KCNT1: variants seen among roughly 807,000 people sequenced by gnomAD.
The protein encoded by KCNT1 is potassium sodium-activated channel subfamily T member 1, also known as potassium channel subfamily T member 1.
A neutral mutation model predicts 147.8 loss-of-function variants in KCNT1; 78 were observed. The ratio of observed to expected loss-of-function variants is 0.53; its 90% confidence interval spans 0.44 to 0.64. The LOEUF (loss-of-function observed/expected upper bound fraction) is 0.64, where lower values mean the gene tolerates loss of function less well. Ranked by LOEUF, KCNT1 falls within the 30% of genes least tolerant of loss-of-function variation. The probability of loss-of-function intolerance (pLI) is 0.00; values close to 1 mark genes in which losing one functional copy is unlikely to be tolerated. For missense variants in KCNT1, 1,419 were observed against 1,750.3 expected (o/e 0.81, Z 3.38); for synonymous variants, 867 against 748.8 (o/e 1.16, Z -2.58).
rs760974671 is a variant in KCNT1, at chr9:135,784,796, G to A, written c.3063G>A (p.Thr1021=). 6.0e-5 allele frequency: 97 copies of A among 1,612,658 alleles called. No individual in the cohort carries two copies. Among genetic ancestry groups the A allele is most frequent in the South Asian group, 1.4e-4 (13 of 91,086 alleles). The change falls in exon 27 of 31, where the codon ACG becomes ACA. Residue 1021 remains threonine, a synonymous_variant. Coordinates refer to ENST00000371757, the MANE Select transcript of KCNT1 (RefSeq NM_020822.3). ...CCGAGGGCGACCTGTGGATCCGCAC[G>A]TACGGCCGCCTCTTCCAGAAGCTCT... ...KITEGDLWIR[T]YGRLFQKLCS...
intron 11 of KCNT1, among the ~76,000 whole-genome samples, chr9:135,764,143 C>T (rs1832097711): frequency 6.6e-6 from 1 of 152,144 alleles, no homozygotes; most frequent in South Asian, 2.1e-4. Context: ...CATGGGAGCT[C>T]CTGCCATTGT....
Position 135,731,594 on chromosome 9 carries a change from G to A in KCNT1, c.254+16874G>A, listed in dbSNP as rs373535567. Among the ~76,000 whole-genome samples the A allele has an allele frequency of 1.5e-4, 23 of 152,194 alleles. No individual in the cohort carries two copies. The East Asian group carries it at 3.9e-3, about 26-fold the overall frequency. ...ACAAGGGCGTGTGCATTTGTGCCGC[G>A]TTCTCTCACGTTCCTTTGCGTTGGA... On this transcript the variant is annotated intron_variant, in intron 2 of 30. Coordinates refer to ENST00000371757, the MANE Select transcript of KCNT1 (RefSeq NM_020822.3).
rs1320599594 is a variant in KCNT1, at chr9:135,794,064, GGGA to G, written c.*1908_*1910del. 7 of 152,414 alleles carry G rather than the reference GGGA, an allele frequency of 4.6e-5. No homozygotes were observed. Among genetic ancestry groups the G allele is most frequent in the Non-Finnish European group, 8.8e-5 (6 of 68,168 alleles). The allele number at this position is 152,414 out of a possible 1,614,324, so 9.4% of individuals were successfully genotyped here. On this transcript the variant is annotated 3_prime_UTR_variant, in exon 31 of 31. Transcript: ENST00000371757. ...CGAGGGGGGCTGCACAGCACCTGCA[GGGA>G]GGAGAAGGGAGAGAAAAGCCGGTCT...
intron 1 of KCNT1, among the ~76,000 whole-genome samples, chr9:135,713,229 C>A (rs895385418): frequency 4.6e-5 from 7 of 152,262 alleles, no homozygotes; most frequent in Admixed American, 4.6e-4. Context: ...GGTTCCCCTG[C>A]CTGCCTGCAC....
At chr9:135,705,679 C>A (rs1835223402) in intron 1 of KCNT1, among the ~76,000 whole-genome samples, 1 of 152,244 alleles carries the variant, frequency 6.6e-6, no homozygotes, top group Non-Finnish European at 1.5e-5. Flanking sequence ...CCCATGTTCA[C>A]CCAGACCCAC....
intron 20 of KCNT1, among the ~76,000 whole-genome samples, 200 bp downstream of exon 20, chr9:135,775,615 T>C (rs1833109667): frequency 6.6e-6 from 1 of 152,208 alleles, no homozygotes; most frequent in South Asian, 2.1e-4. Flanking sequence ...CCGTTTGGGC[T>C]CTCCCTCTCA....
chr9:135,747,900 C>T (rs559832733), intron 2 of KCNT1, among the ~76,000 whole-genome samples: 2 of 152,304 alleles, frequency 1.3e-5, no homozygotes, highest in African/African-American at 4.8e-5. Context: ...CAGAGCCACA[C>T]GCCTCTTCCT....
Position 135,765,210 on chromosome 9 carries a change from C to T in KCNT1, c.1200+15C>T, listed in dbSNP as rs138631641. 1.2e-4 allele frequency: 199 copies of T among 1,603,332 alleles called. 1 individual carries two copies. The East Asian group carries it at 1.6e-3, about 13-fold the overall frequency. On this transcript the variant is annotated intron_variant, in intron 12 of 30. Coordinates refer to ENST00000371757, the MANE Select transcript of KCNT1 (RefSeq NM_020822.3). ...CCCGGCTCCAGGTGAGGCCCCTTAC[C>T]GTGGCCCAGCAGACGACTCCCTCCC...
intron 2 of KCNT1, among the ~76,000 whole-genome samples, chr9:135,725,946 G>T (rs2131349181): frequency 6.6e-6 from 1 of 152,284 alleles, no homozygotes; most frequent in African/African-American, 2.4e-5. Context: ...GGGGTCTGGG[G>T]AGGAAGAGGG....
rs771669111 is a variant in KCNT1, at chr9:135,702,273, C to T, written c.15C>T (p.Asp5=). Residue 5 remains aspartate (D), a synonymous_variant, in exon 1 of 31, where the codon GAC becomes GAT. Coordinates refer to ENST00000371757, the MANE Select transcript of KCNT1 (RefSeq NM_020822.3). MPLP[D]GARTPGGVCR... ...TGCCAGGCCGCATGCCACTCCCTGA[C>T]GGGGCGCGGACCCCGGGGGGCGTCT... 8 of 1,608,654 alleles carry T rather than the reference C, an allele frequency of 5.0e-6. No individual in the cohort carries two copies. The highest frequency in any genetic ancestry group is 2.7e-5 in the African/African-American group (2 of 74,572).
chr9:135,714,777 C>G lies in KCNT1; in HGVS notation c.254+57C>G. ...TCGCCGTCCCGGCGCCGCCGCACGC[C>G]CGGAGCTGTCCGCGGTGCTGACGGC... On this transcript the variant is annotated intron_variant, in intron 2 of 30. Coordinates refer to ENST00000371757, the MANE Select transcript of KCNT1 (RefSeq NM_020822.3). This position sits in a 1 kb window ranked among gnomAD's most constrained non-coding sequence, Gnocchi z 6.2. 8.8e-7 allele frequency: 1 copy of G among 1,135,698 alleles called. No homozygotes were observed. The highest frequency in any genetic ancestry group is 1.1e-6 in the Non-Finnish European group (1 of 915,476). The allele number at this position is 1,135,698 out of a possible 1,614,324, so 70.4% of individuals were successfully genotyped here.
intron 2 of KCNT1, among the ~76,000 whole-genome samples, chr9:135,715,377 A>G (rs973527062): frequency 2.6e-5 from 4 of 152,246 alleles, no homozygotes; most frequent in African/African-American, 9.6e-5. Flanking sequence ...TGTCTTGGGT[A>G]AACACCCAGC....
Position 135,786,387 on chromosome 9 carries a change from A to T in KCNT1, c.3368A>T (p.Gln1123Leu). The T allele has an allele frequency of 6.3e-7, 1 of 1,576,310 alleles. No homozygotes were observed. Among genetic ancestry groups the T allele is most frequent in the Non-Finnish European group, 8.6e-7 (1 of 1,161,852 alleles). Residue 1123 changes from glutamine to leucine, a missense_variant, in exon 29 of 31, where the codon CAG (glutamine) becomes CTG (leucine). Physicochemically the swap from Gln to Leu is moderately radical, Grantham distance 113. This residue lies in a region of KCNT1 where 306 missense variants were observed against 294.2 expected (regional missense o/e 1.04). Coordinates refer to ENST00000371757, the MANE Select transcript of KCNT1 (RefSeq NM_020822.3). ...ARRLSRKAPK[Q>L]AGRAAAAEWI... is the part of the protein sequence containing the mutation. Reference sequence around the variant, plus strand: ...AGGCTGAGCCGCAAGGCGCCCAAGCAGGCAGGCCGGGCGGCGGCCGCGGAG... The same window carrying T: ...AGGCTGAGCCGCAAGGCGCCCAAGCTGGCAGGCCGGGCGGCGGCCGCGGAG...
intron 24 of KCNT1, among the ~76,000 whole-genome samples, chr9:135,783,512 G>A (rs187628036): frequency 1.8e-4 from 27 of 152,344 alleles, no homozygotes; most frequent in African/African-American, 6.3e-4. Flanking sequence ...CTAAGTTTGC[G>A]GTCATTTGTT....
chr9:135,774,249 G>A (rs1588371831), intron 19 of KCNT1, among the ~76,000 whole-genome samples: 1 of 136,070 alleles, frequency 7.3e-6, no homozygotes, highest in East Asian at 2.0e-4. Flanking sequence ...GTGTGTCCGT[G>A]TGTGGTGTGT....
rs762620377 is a variant in KCNT1 at position 135,772,803 on chromosome 9, G to A, written c.2097G>A (p.Thr699=). 2.6e-5 allele frequency: 39 copies of A among 1,515,860 alleles called. No individual in the cohort carries two copies. Among genetic ancestry groups the A allele is most frequent in the Admixed American group, 6.4e-5 (3 of 47,178 alleles). The allele number at this position is 1,515,860 out of a possible 1,614,324, so 93.9% of individuals were successfully genotyped here. A position where few individuals can be genotyped will look rare whatever the true frequency, so the allele number is the denominator to read the frequency against. ...GGGGSKLALP[T]ENGSGSRRPS... ...GGGGCAGCAAGCTGGCACTGCCCAC[G>A]GAGAACGGCTCGGGCAGCCGGCGGC... Residue 699 remains threonine, a synonymous_variant, in exon 19 of 31, where the codon ACG becomes ACA. Transcript: ENST00000371757.
Position 135,792,056 on chromosome 9 carries a change from C to A in KCNT1, c.3603C>A (p.Ser1201=), listed in dbSNP as rs769180686. The change falls in exon 31 of 31, where the codon TCC becomes TCA. Residue 1201 remains serine, a synonymous_variant. Coordinates refer to ENST00000371757, the MANE Select transcript of KCNT1 (RefSeq NM_020822.3). ...EPSDIVYLIR[S]DPLAHVASSS... is the part of the protein sequence containing the mutation. Reference sequence around the variant, plus strand: ...CCTCCCGCAGCTATCTCATCCGCTCCGACCCCCTGGCTCACGTGGCCAGCA... The same window carrying A: ...CCTCCCGCAGCTATCTCATCCGCTCAGACCCCCTGGCTCACGTGGCCAGCA... 4 of 1,604,074 alleles carry A rather than the reference C, an allele frequency of 2.5e-6. No homozygotes were observed. The highest frequency in any genetic ancestry group is 3.4e-6 in the Non-Finnish European group (4 of 1,179,746).
intron 11 of KCNT1, among the ~76,000 whole-genome samples, chr9:135,761,672 C>G (rs375308683): frequency 2.0e-5 from 3 of 152,230 alleles, no homozygotes; most frequent in African/African-American, 4.8e-5. Flanking sequence ...ACCACGTGGC[C>G]GGCACCTGCT....
chr9:135,745,700 C>T (rs781172566), intron 2 of KCNT1, among the ~76,000 whole-genome samples: 9 of 152,360 alleles, frequency 5.9e-5, no homozygotes, highest in Non-Finnish European at 1.3e-4. Context: ...GGAGTTGGTC[C>T]CTGTCCTGGT....
Sources: allele counts gnomAD v4.1 joint callset (sites outside exome capture counted in the v4.1 genomes callset), GRCh38; gene constraint gnomAD v4.1.1; regional missense constraint gnomAD v4.1.1; non-coding constraint Gnocchi (gnomAD v3.1); transcripts MANE v1.5; gene names NCBI Gene and HGNC (gene_info 2026-07-23, HGNC 2026-07-21).